TENM3: variants seen among roughly 807,000 people sequenced by gnomAD.
The protein encoded by TENM3 is teneurin transmembrane protein 3.
TENM3 carries 63 observed loss-of-function variants against 255.1 expected under a neutral mutation model. That is an observed-to-expected ratio of 0.25 (90% confidence interval 0.20 to 0.30). TENM3 has a LOEUF of 0.30. TENM3 is among the 10% of genes least tolerant of loss of function. TENM3 has a pLI of 1.00. For synonymous variants in TENM3, 1,306 were observed against 1,322.3 expected (o/e 0.99, Z 0.27); for missense variants, 2,929 against 3,461.1 (o/e 0.85, Z 3.86).
rs1248281822 is a variant in TENM3 at position 182,774,946 on chromosome 4, T to G, written c.5097T>G (p.Gly1699=). 6.2e-7 allele frequency: 1 copy of G among 1,613,434 alleles called. No individual in the cohort carries two copies. The highest frequency in any genetic ancestry group is 2.2e-5 in the East Asian group (1 of 44,892). The change falls in exon 24 of 28, where the codon GGT becomes GGG. Residue 1699 remains glycine, a synonymous_variant. Transcript: ENST00000511685. ...QDQLRNSYQI[G]YDGSLRIIYA... ...AGTTAAGAAACAGCTACCAGATTGG[T>G]TATGACGGCTCCCTCAGAATTATCT...
chr4:182,787,735 C>CAAAAAA (rs33998093), intron 24 of TENM3, among the ~76,000 whole-genome samples: 3 of 41,554 alleles, frequency 7.2e-5, no homozygotes, highest in African/African-American at 1.8e-4. Context: ...AACTCCACCT[C>CAAAAAA]AAAAAAAAAA....
the TENM3 span, among the ~76,000 whole-genome samples, chr4:181,997,899 A>C: frequency 6.6e-6 from 1 of 152,252 alleles, no homozygotes; most frequent in Admixed American, 6.5e-5. Flanking sequence ...AATCTTATTC[A>C]AACAATTAGA....
At position 182,526,693 on chromosome 4, in the gene TENM3, A is replaced by C. The variant is rs184719418; in HGVS notation, c.512-74231A>C. Among the ~76,000 whole-genome samples the C allele has an allele frequency of 3.9e-5, 6 of 152,280 alleles. No homozygotes were observed. The South Asian group carries it at 6.2e-4, about 16-fold the overall frequency. On this transcript the variant is annotated intron_variant, in intron 3 of 27. Transcript: ENST00000511685. ...CATTTGCTGAATGACCGACTGAATA[A>C]ATGAATTGCACTAATTTACTGTGGA...
chr4:181,533,359 T>TTTGTATTA, the TENM3 span, among the ~76,000 whole-genome samples: 1 of 152,192 alleles, frequency 6.6e-6, no homozygotes, highest in Non-Finnish European at 1.5e-5. Flanking sequence ...GTTCACTCAT[T>TTTGTATTA]CATGCACAAA....
At position 182,441,337 on chromosome 4, in the gene TENM3, CAG is replaced by C. The variant is rs540555532; in HGVS notation, c.511+94410_511+94411del. On this transcript the variant is annotated intron_variant, in intron 3 of 27. Coordinates refer to ENST00000511685, the MANE Select transcript of TENM3 (RefSeq NM_001080477.4). ...TGTGAGAGAGACACAGACAGACAGA[CAG>C]AAAGAGAAAAAGAAAACAATAATTA... Among the ~76,000 whole-genome samples the C allele has an allele frequency of 1.4e-4, 21 of 152,108 alleles. No homozygotes were observed. In the South Asian group the frequency reaches 4.2e-3, roughly 30 times the overall value.
At chr4:181,699,468 A>AAT in the TENM3 span, among the ~76,000 whole-genome samples, 1 of 140,968 alleles carries the variant, frequency 7.1e-6, no homozygotes, top group Non-Finnish European at 1.5e-5. Context: ...AAAAAAAAAA[A>AAT]AAAAGAAAGA....
chr4:182,349,064 G>T (rs1299561683), intron 3 of TENM3, among the ~76,000 whole-genome samples: 1 of 152,144 alleles, frequency 6.6e-6, no homozygotes, highest in Non-Finnish European at 1.5e-5. Flanking sequence ...AGTGTCAAGG[G>T]CCTTGCCTTG....
At chr4:182,081,008 A>G in the TENM3 span, among the ~76,000 whole-genome samples, 3 of 151,820 alleles carry the variant, frequency 2.0e-5, no homozygotes, top group African/African-American at 7.3e-5. Context: ...AACAAAGACG[A>G]CTAAGTATCG....
chr4:182,301,553 G>T (rs1761858250), intron 1 of TENM3, among the ~76,000 whole-genome samples: 1 of 152,112 alleles, frequency 6.6e-6, no homozygotes, highest in Non-Finnish European at 1.5e-5. Context: ...TGAATAATCA[G>T]TTAAATGAAA....
At chr4:182,620,592 C>T (rs758498996) in intron 4 of TENM3, among the ~76,000 whole-genome samples, 7 of 152,050 alleles carry the variant, frequency 4.6e-5, no homozygotes, top group Non-Finnish European at 7.4e-5. Flanking sequence ...TGAAGGAATC[C>T]GTCTACACAA....
At chr4:182,342,989 G>A (rs1268616192) in intron 2 of TENM3, among the ~76,000 whole-genome samples, 1 of 151,982 alleles carries the variant, frequency 6.6e-6, no homozygotes, top group Non-Finnish European at 1.5e-5. Context: ...TATTAAAGAG[G>A]GAGCTGTGCT....
intron 1 of TENM3, among the ~76,000 whole-genome samples, chr4:182,177,861 C>CA (rs1419355123): frequency 6.6e-6 from 1 of 150,564 alleles, no homozygotes; most frequent in Non-Finnish European, 1.5e-5. Flanking sequence ...GATGAGACAA[C>CA]ATTTAAATGA....
the TENM3 span, among the ~76,000 whole-genome samples, chr4:182,065,976 A>G: frequency 2.0e-5 from 3 of 152,206 alleles, no homozygotes; most frequent in South Asian, 2.1e-4. Context: ...GTGCAAGTAT[A>G]TGCCTGAGTA....
At chr4:181,471,360 GT>G in the TENM3 span, among the ~76,000 whole-genome samples, 1 of 152,088 alleles carries the variant, frequency 6.6e-6, no homozygotes, top group East Asian at 1.9e-4. Context: ...TCTAGTTACT[GT>G]TTTAAATTTT....
At chr4:182,759,742 G>GT (rs1274013499) in intron 22 of TENM3, among the ~76,000 whole-genome samples, 1 of 152,212 alleles carries the variant, frequency 6.6e-6, no homozygotes, top group Non-Finnish European at 1.5e-5. Flanking sequence ...TCCCAATAAG[G>GT]TTTTTATCAA....
intron 6 of TENM3, among the ~76,000 whole-genome samples, chr4:182,657,912 TC>T (rs1753889657): frequency 6.6e-6 from 1 of 152,218 alleles, no homozygotes; most frequent in Admixed American, 6.5e-5. Context: ...TGCCTCAGCC[TC>T]CCAAAGTGCT....
the TENM3 span, among the ~76,000 whole-genome samples, chr4:181,786,268 C>T: frequency 1.3e-5 from 2 of 152,184 alleles, no homozygotes; most frequent in Non-Finnish European, 2.9e-5. Flanking sequence ...CGAAGGAAAA[C>T]ATCTCCTTCA....
chr4:181,548,413 A>G, the TENM3 span, among the ~76,000 whole-genome samples: 7 of 152,212 alleles, frequency 4.6e-5, no homozygotes, highest in Non-Finnish European at 7.3e-5. Flanking sequence ...AACCAACCCA[A>G]ATGTCCATCA....
the TENM3 span, among the ~76,000 whole-genome samples, chr4:181,938,795 AG>A: frequency 6.6e-6 from 1 of 152,350 alleles, no homozygotes; most frequent in Admixed American, 6.5e-5. Context: ...AAAAAGCTAA[AG>A]CAATATTTCA....
Sources: gnomAD v4.1 joint callset for allele counts (sites outside exome capture counted in the v4.1 genomes callset) on GRCh38, gnomAD v4.1.1 for gene constraint, MANE v1.5 for transcripts, NCBI Gene and HGNC (gene_info 2026-07-23, HGNC 2026-07-21) for gene names.